PDE10A: variants seen among roughly 807,000 people sequenced by gnomAD.
PDE10A encodes the protein phosphodiesterase 10A, also known as cAMP and cAMP-inhibited cGMP 3',5'-cyclic phosphodiesterase 10A.
In PDE10A, 39 loss-of-function variants were observed where a neutral mutation model predicts 97.7. That is an observed-to-expected ratio of 0.40 (90% confidence interval 0.31 to 0.52). PDE10A has a LOEUF of 0.52. PDE10A is among the 20% of genes least tolerant of loss of function. The pLI is 0.56. For synonymous variants in PDE10A, 371 were observed against 376.8 expected, an observed-to-expected ratio of 0.98 and a Z score of 0.18; for missense variants, 731 against 1,047.8, an observed-to-expected ratio of 0.70 and a Z score of 4.17.
intron 15 of PDE10A, among the ~76,000 whole-genome samples, chr6:165,393,415 T>C (rs188478844): frequency 6.6e-5 from 10 of 151,698 alleles, no homozygotes; most frequent in Admixed American, 2.6e-4. Flanking sequence ...TTTTATATTA[T>C]GTACTTATTT....
chr6:165,688,046 G>A (rs939978859), intron 1 of PDE10A, among the ~76,000 whole-genome samples: 9 of 152,344 alleles, frequency 5.9e-5, no homozygotes, highest in African/African-American at 1.9e-4. Context: ...ACCCCAAATG[G>A]AGGGACCACG....
chr6:165,465,552 G>C (rs1466609689), intron 3 of PDE10A, among the ~76,000 whole-genome samples: 2 of 152,148 alleles, frequency 1.3e-5, no homozygotes, highest in African/African-American at 4.8e-5. Context: ...ACATACCCAA[G>C]ACTAGCTAAT....
chr6:165,343,350 T>A (rs1782096497), intron 19 of PDE10A, 41 bp downstream of exon 19: 1 of 1,314,392 alleles, frequency 7.6e-7, no homozygotes, highest in Non-Finnish European at 1.1e-6. Context: ...ACGTTTTATT[T>A]CTCCTCACTA....
intron 1 of PDE10A, among the ~76,000 whole-genome samples, chr6:165,742,343 G>C (rs1792746503): frequency 6.6e-6 from 1 of 152,136 alleles, no homozygotes; most frequent in South Asian, 2.1e-4. Flanking sequence ...CATATGTCAT[G>C]TTTCTTAATC....
At chr6:165,649,885 C>T (rs573630211) in intron 1 of PDE10A, among the ~76,000 whole-genome samples, 13 of 152,290 alleles carry the variant, frequency 8.5e-5, no homozygotes, top group Admixed American at 4.6e-4. Context: ...GTGGTTTAAA[C>T]GATAGTTCAC....
intron 1 of PDE10A, among the ~76,000 whole-genome samples, chr6:165,659,091 C>A (rs889577110): frequency 6.6e-6 from 1 of 152,128 alleles, no homozygotes; most frequent in African/African-American, 2.4e-5. Flanking sequence ...GCGAACCAGC[C>A]GGTCAGTGTG....
intron 1 of PDE10A, among the ~76,000 whole-genome samples, chr6:165,977,185 T>C (rs772331552): frequency 3.9e-5 from 6 of 152,310 alleles, no homozygotes; most frequent in South Asian, 2.1e-4. Context: ...TTATGCCACA[T>C]TGATGCAGAA....
intron 1 of PDE10A, among the ~76,000 whole-genome samples, chr6:165,840,726 ACT>A (rs1350787403): frequency 6.6e-6 from 1 of 152,032 alleles, no homozygotes; most frequent in African/African-American, 2.4e-5. Context: ...ATTTTAACAC[ACT>A]CTTATTTTTT....
intron 5 of PDE10A, among the ~76,000 whole-genome samples, chr6:165,440,409 A>C (rs1790354379): frequency 6.6e-6 from 1 of 152,238 alleles, no homozygotes; most frequent in African/African-American, 2.4e-5. Context: ...CAAAACTAAA[A>C]TGTGTTCTTC....
chr6:165,621,705 G>A (rs983213179), intron 1 of PDE10A, among the ~76,000 whole-genome samples: 1 of 151,550 alleles, frequency 6.6e-6, no homozygotes, highest in Non-Finnish European at 1.5e-5. Context: ...GCAGTGAGCC[G>A]AGATTGCGCC....
intron 1 of PDE10A, among the ~76,000 whole-genome samples, chr6:165,687,895 G>T (rs898668628): frequency 6.6e-6 from 1 of 152,278 alleles, no homozygotes; most frequent in African/African-American, 2.4e-5. Flanking sequence ...TGAAATGTGG[G>T]GCCTGGAAGC....
At position 165,734,501 on chromosome 6, in the gene PDE10A, A is replaced by G. The variant is rs565858014; in HGVS notation, c.-614-190933T>C. Among the ~76,000 whole-genome samples, 3 of 152,338 alleles carry G rather than the reference A, an allele frequency of 2.0e-5. No individual in the cohort carries two copies. The East Asian group carries it at 5.8e-4, about 29-fold the overall frequency. ...TTCTTAGAAAAGGATCCAAAACCATAATTTAAAAAAACTTTTGAAGAAAAG... is the reference window on the plus strand; with the variant it reads ...TTCTTAGAAAAGGATCCAAAACCATGATTTAAAAAAACTTTTGAAGAAAAG... On this transcript the variant is annotated intron_variant, in intron 1 of 19. Coordinates refer to the PDE10A transcript ENST00000366882.
intron 1 of PDE10A, among the ~76,000 whole-genome samples, chr6:165,610,325 C>T (rs1340820818): frequency 9.2e-5 from 14 of 152,098 alleles, no homozygotes; most frequent in Admixed American, 3.3e-4. Context: ...GGGCGGATCA[C>T]GAGGTCAGGA....
chr6:165,704,022 G>A (rs116703552), intron 1 of PDE10A, among the ~76,000 whole-genome samples: 2,429 of 152,214 alleles, frequency 0.016, 64 homozygotes, highest in African/African-American at 0.056. Context: ...CCGTACACAC[G>A]CCCAAACATA....
chr6:165,927,787 C>G (rs1782989802), intron 1 of PDE10A, among the ~76,000 whole-genome samples: 1 of 149,616 alleles, frequency 6.7e-6, no homozygotes, highest in Non-Finnish European at 1.5e-5. Flanking sequence ...ACCTCCACCT[C>G]TTGGGTTGAA....
intron 16 of PDE10A, 81 bp downstream of exon 16, chr6:165,392,565 C>T: frequency 7.5e-7 from 1 of 1,339,268 alleles, no homozygotes; most frequent in Non-Finnish European, 1.0e-6. Flanking sequence ...TGTCACAAAT[C>T]CATGTCATCA....
intron 1 of PDE10A, among the ~76,000 whole-genome samples, chr6:165,830,444 C>G (rs573278149): frequency 6.6e-6 from 1 of 152,182 alleles, no homozygotes; most frequent in African/African-American, 2.4e-5. Flanking sequence ...CGAAATAACT[C>G]AAATGGCTTC....
At chr6:165,588,293 T>TC (rs1786042935) in intron 1 of PDE10A, among the ~76,000 whole-genome samples, 1 of 146,870 alleles carries the variant, frequency 6.8e-6, no homozygotes, top group African/African-American at 2.5e-5. Flanking sequence ...TTTTTTTTTT[T>TC]TTTTTTTTTT....
chr6:165,433,059 AT>A lies in PDE10A; in HGVS notation c.1405del (p.Ile469LeufsTer8). 6.2e-7 allele frequency: 1 copy of A among 1,613,564 alleles called. No individual in the cohort carries two copies. The highest frequency in any genetic ancestry group is 8.5e-7 in the Non-Finnish European group (1 of 1,179,518). ...TRIQSVLCLP[I>X]VTAIGDLIGI... is the part of the protein sequence containing the mutation. ...AATCAAGTCACCAATTGCAGTGACA[AT>A]TGGTAAGCAAAGAACAGACTGGATA... is the stretch of plus-strand genomic sequence containing the variant. On this transcript the variant is annotated frameshift_variant, in exon 7 of 22. Transcript: ENST00000539869. LOFTEE classifies it high-confidence loss of function.
Sources: gnomAD v4.1 joint callset for allele counts (sites outside exome capture counted in the v4.1 genomes callset) on GRCh38, gnomAD v4.1.1 for gene constraint, MANE v1.5 for transcripts, NCBI Gene and HGNC (gene_info 2026-07-23, HGNC 2026-07-21) for gene names.